The following ALOX5AP variants were observed in gnomAD, a reference collection of about 807,000 sequenced individuals.
ALOX5AP encodes arachidonate 5-lipoxygenase activating protein.
In ALOX5AP, 9 loss-of-function variants were observed where a neutral mutation model predicts 18.5. The observed-to-expected ratio is 0.49, with a 90% CI of 0.29 to 0.85. ALOX5AP has a LOEUF of 0.85. Among genes scored for constraint, ALOX5AP ranks in the 40% least tolerant of loss-of-function variants. ALOX5AP has a pLI of 0.08. For synonymous variants in ALOX5AP, 81 were observed against 78.6 expected, an observed-to-expected ratio of 1.03 and a Z score of -0.16; for missense variants, 172 against 202.5, an observed-to-expected ratio of 0.85 and a Z score of 0.91.
chr13:30,762,118 C>G (rs930713723), intron 4 of ALOX5AP, among the ~76,000 whole-genome samples: 2 of 152,210 alleles, frequency 1.3e-5, no homozygotes, highest in Admixed American at 6.5e-5. Context: ...GTGGGTCCCA[C>G]AGGGAGCTTG....
chr13:30,759,774 G>A (rs1230855204), intron 4 of ALOX5AP, among the ~76,000 whole-genome samples: 1 of 152,128 alleles, frequency 6.6e-6, no homozygotes, highest in Non-Finnish European at 1.5e-5. Context: ...TGGATATCAA[G>A]GCTGCTGTTT....
rs1408429309 is a variant in ALOX5AP at position 30,764,198 on chromosome 13, G to C, written c.*92G>C. On this transcript the variant is annotated 3_prime_UTR_variant, in exon 5 of 5. Transcript: ENST00000380490. Reference sequence around the variant, plus strand: ...CTTGAGAGCATTCTGCTCTTCTTTAGATGGCTGTAAATCTATTGGCCATCT... The same window carrying C: ...CTTGAGAGCATTCTGCTCTTCTTTACATGGCTGTAAATCTATTGGCCATCT... The C allele has an allele frequency of 1.4e-6, 2 of 1,391,204 alleles. No homozygotes were observed. The highest frequency in any genetic ancestry group is 2.3e-5 in the Admixed American group (1 of 42,966). The allele number at this position is 1,391,204 out of a possible 1,614,324, so 86.2% of individuals were successfully genotyped here.
At chr13:30,739,388 C>A (rs1951745225) in intron 1 of ALOX5AP, among the ~76,000 whole-genome samples, 1 of 152,144 alleles carries the variant, frequency 6.6e-6, no homozygotes, top group African/African-American at 2.4e-5. Flanking sequence ...CACTGCCTGG[C>A]ACAAAGACAG....
chr13:30,717,690 C>T (rs1001400576), intron 1 of ALOX5AP, among the ~76,000 whole-genome samples: 4 of 152,192 alleles, frequency 2.6e-5, no homozygotes, highest in African/African-American at 7.2e-5. Context: ...CCATGTGGAG[C>T]GGGGGTGCAC....
intron 1 of ALOX5AP, among the ~76,000 whole-genome samples, chr13:30,727,879 C>A (rs1206184274): frequency 6.6e-6 from 1 of 152,102 alleles, no homozygotes; most frequent in African/African-American, 2.4e-5. Flanking sequence ...CACTTCATGC[C>A]TTTCTTTCCC....
At chr13:30,715,869 G>C (rs575502726) in intron 1 of ALOX5AP, among the ~76,000 whole-genome samples, 1 of 145,374 alleles carries the variant, frequency 6.9e-6, no homozygotes, top group East Asian at 2.0e-4. Flanking sequence ...AGCATTCAAA[G>C]TGATGGAAAT....
In ALOX5AP at chr13:30,743,801, T is replaced by C. The variant is rs1489705575; in HGVS notation, c.71-259T>C. ...CTGTGTGGAATGTCTGCTTTCCTTG[T>C]TTGTCTATTCCTTTAGACTGTAAGA... On this transcript the variant is annotated intron_variant, in intron 1 of 4. Transcript: ENST00000380490. 4.6e-5 allele frequency among the ~76,000 whole-genome samples: 7 copies of C among 152,132 alleles called. No homozygotes were observed. In the South Asian group the frequency reaches 1.4e-3, roughly 31 times the overall value.
intron 1 of ALOX5AP, among the ~76,000 whole-genome samples, chr13:30,739,013 C>T (rs1951741819): frequency 6.6e-6 from 1 of 152,200 alleles, no homozygotes; most frequent in South Asian, 2.1e-4. Context: ...ATTTGACAGG[C>T]TCTAGAAGCA....
chr13:30,717,105 C>T (rs1258465942), intron 1 of ALOX5AP, among the ~76,000 whole-genome samples: 1 of 152,210 alleles, frequency 6.6e-6, no homozygotes, highest in Non-Finnish European at 1.5e-5. Flanking sequence ...CTCACAGTCC[C>T]TGCTCTAAAT....
intron 1 of ALOX5AP, among the ~76,000 whole-genome samples, chr13:30,739,729 G>C (rs542924833): frequency 6.6e-6 from 1 of 152,170 alleles, no homozygotes; most frequent in Non-Finnish European, 1.5e-5. Flanking sequence ...AACCAGCCTA[G>C]AAATACATAC....
chr13:30,741,831 G>GTTT (rs770976174), intron 1 of ALOX5AP, among the ~76,000 whole-genome samples: 13,386 of 133,826 alleles, frequency 0.1, 1,109 homozygotes, highest in African/African-American at 0.22. Flanking sequence ...ATGGTTTTCT[G>GTTT]TTTTTTTTTT....
At chr13:30,763,076 G>C (rs1593448103) in intron 4 of ALOX5AP, among the ~76,000 whole-genome samples, 1 of 152,322 alleles carries the variant, frequency 6.6e-6, no homozygotes, top group East Asian at 1.9e-4. Flanking sequence ...GGGAGGCCGA[G>C]GTGAGTGGAT....
At chr13:30,723,758 C>T (rs1951614413) in intron 1 of ALOX5AP, among the ~76,000 whole-genome samples, 1 of 152,122 alleles carries the variant, frequency 6.6e-6, no homozygotes, top group South Asian at 2.1e-4. Context: ...AAACATCAAA[C>T]ATTTTTAATT....
chr13:30,736,040 A>G (rs1294352904), intron 1 of ALOX5AP, among the ~76,000 whole-genome samples: 1 of 152,210 alleles, frequency 6.6e-6, no homozygotes, highest in Non-Finnish European at 1.5e-5. Flanking sequence ...AACATGATAT[A>G]CACATTTACT....
upstream of ALOX5AP, among the ~76,000 whole-genome samples, chr13:30,733,770 A>G (rs1396354346): frequency 6.6e-6 from 1 of 152,236 alleles, no homozygotes; most frequent in East Asian, 1.9e-4. Flanking sequence ...GCAGAAGGGC[A>G]AATTCCCTCT....
chr13:30,713,662 C>T, exon 1 of ALOX5AP: 1 of 1,197,200 alleles, frequency 8.4e-7, no homozygotes, highest in South Asian at 1.3e-5. Flanking sequence ...CTGGACAATT[C>T]TGCAAGAACT....
intron 1 of ALOX5AP, among the ~76,000 whole-genome samples, chr13:30,729,143 C>T (rs534073984): frequency 1.3e-5 from 2 of 151,868 alleles, no homozygotes; most frequent in South Asian, 2.1e-4. Context: ...TTGATGAAGT[C>T]TAATTTATTG....
intron 1 of ALOX5AP, among the ~76,000 whole-genome samples, chr13:30,717,905 C>A (rs138651308): frequency 6.6e-6 from 1 of 151,608 alleles, no homozygotes; most frequent in East Asian, 1.9e-4. Flanking sequence ...TAGAGTCCTG[C>A]CTTGACGGGC....
intron 4 of ALOX5AP, among the ~76,000 whole-genome samples, chr13:30,757,136 C>T (rs1008349759): frequency 1.3e-5 from 2 of 152,150 alleles, no homozygotes; most frequent in African/African-American, 4.8e-5. Flanking sequence ...ATTTTCCTTC[C>T]TTGTGTTCAC....
Sources: allele counts gnomAD v4.1 joint callset (sites outside exome capture counted in the v4.1 genomes callset), GRCh38; gene constraint gnomAD v4.1.1; transcripts MANE v1.5; gene names NCBI Gene and HGNC (gene_info 2026-07-23, HGNC 2026-07-21).